The following TRPV5 variants were observed in gnomAD, a reference collection of about 807,000 sequenced individuals.
TRPV5 encodes the protein calcium transport protein 2.
A neutral mutation model predicts 74.1 loss-of-function variants in TRPV5; 66 were observed. The ratio of observed to expected loss-of-function variants is 0.89; its 90% confidence interval spans 0.73 to 1.09. The LOEUF is 1.09. TRPV5 is among the 50% of genes least tolerant of loss of function. The pLI, the probability that TRPV5 is intolerant of heterozygous loss-of-function variation, is 0.00. For missense variants in TRPV5, 936 were observed against 930.4 expected, an observed-to-expected ratio of 1.01 and a Z score of -0.08; for synonymous variants, 399 against 360.7, an observed-to-expected ratio of 1.11 and a Z score of -1.20.
intron 8 of TRPV5, among the ~76,000 whole-genome samples, chr7:142,921,250 C>A (rs1795881647): frequency 6.6e-6 from 1 of 152,158 alleles, no homozygotes; most frequent in African/African-American, 2.4e-5. Context: ...CCTCTATCTC[C>A]CCACTACATT....
intron 8 of TRPV5, among the ~76,000 whole-genome samples, chr7:142,921,946 A>C (rs572186732): frequency 2.8e-4 from 42 of 152,260 alleles, no homozygotes; most frequent in African/African-American, 9.4e-4. Context: ...TTTCACGTTG[A>C]ATTCATACCT....
In TRPV5 at chr7:142,919,911, T is replaced by C. The variant is rs1249865584; in HGVS notation, c.1123-4343A>G. On this transcript the variant is annotated intron_variant, in intron 8 of 14. Coordinates refer to ENST00000265310, the MANE Select transcript of TRPV5 (RefSeq NM_019841.7). ...TGTCCAGCCCAGCTCTAGACCTTTT[T>C]CCCCCCCATGATCCCAGACTTGCAA... Among the ~76,000 whole-genome samples the C allele has an allele frequency of 5.3e-5, 8 of 152,038 alleles. No homozygotes were observed. The East Asian group carries it at 7.7e-4, about 15-fold the overall frequency.
chr7:142,916,641 G>A (rs1490518800), intron 8 of TRPV5, among the ~76,000 whole-genome samples: 1 of 152,190 alleles, frequency 6.6e-6, no homozygotes, highest in East Asian at 1.9e-4. Flanking sequence ...GGGCCAGCAG[G>A]AAAGCTGATG....
intron 8 of TRPV5, among the ~76,000 whole-genome samples, chr7:142,921,513 C>T (rs753535320): frequency 8.5e-5 from 13 of 152,118 alleles, no homozygotes; most frequent in South Asian, 4.1e-4. Context: ...AAACTCCTGA[C>T]CTCGTGATCC....
Position 142,909,717 on chromosome 7 carries a change from G to C in TRPV5, c.1789-121C>G, listed in dbSNP as rs932024373. 4 of 1,007,914 alleles carry C rather than the reference G, an allele frequency of 4.0e-6. No individual in the cohort carries two copies. The African/African-American group carries it at 6.4e-5, about 16-fold the overall frequency. The allele number at this position is 1,007,914 out of a possible 1,614,324, so 62.4% of individuals were successfully genotyped here. On this transcript the variant is annotated intron_variant, in intron 13 of 14. Transcript: ENST00000265310. Reference sequence around the variant, plus strand: ...GTGAGATAGGACACTAGAGGTCAGTGGTGAGAACAGCCACCTATTCACCCC... The same window carrying C: ...GTGAGATAGGACACTAGAGGTCAGTCGTGAGAACAGCCACCTATTCACCCC...
At position 142,909,556 on chromosome 7, in the gene TRPV5, C is replaced by G; in HGVS notation, c.1829G>C (p.Arg610Pro). The G allele has an allele frequency of 6.2e-7, 1 of 1,614,036 alleles. No homozygotes were observed. Among genetic ancestry groups the G allele is most frequent in the Non-Finnish European group, 8.5e-7 (1 of 1,180,038 alleles). ...GATCCCGGAGCGAGGCCACAGGCAG[C>G]GAGGCAGCTTCCGCTCCAGCATCAC... The part of the protein sequence containing the change: ...TTVMLERKLP[R>P]CLWPRSGICG... Residue 610 changes from arginine to proline, a missense_variant, in exon 14 of 15, where the codon CGC becomes CCC. Coordinates refer to ENST00000265310, the MANE Select transcript of TRPV5 (RefSeq NM_019841.7).
Position 142,908,572 on chromosome 7 carries a change from T to C in TRPV5, c.2132A>G (p.His711Arg). The C allele has an allele frequency of 6.2e-7, 1 of 1,614,204 alleles. No individual in the cohort carries two copies. Among genetic ancestry groups the C allele is most frequent in the Non-Finnish European group, 8.5e-7 (1 of 1,180,040 alleles). Reference protein sequence around the residue: ...WEILRQNTLGHLNLGLNLSEG... With the variant: ...WEILRQNTLGRLNLGLNLSEG... ...ACTAAGGTTCAGTCCAAGATTCAAG[T>C]GCCCCAGGGTGTTTTGACGAAGGAT... The change falls in exon 15 of 15, where the codon CAC (histidine) becomes CGC (arginine). Residue 711 changes from histidine to arginine, a missense_variant. Transcript: ENST00000265310.
chr7:142,928,650 G>C (rs1209919357), intron 6 of TRPV5, 41 bp downstream of exon 6: 15 of 1,590,990 alleles, frequency 9.4e-6, no homozygotes, highest in African/African-American at 1.3e-5. Flanking sequence ...TAGGTTGAGG[G>C]TCATTAGAAA....
Position 142,925,575 on chromosome 7 carries a change from C to T in TRPV5, c.1076G>A (p.Arg359His), listed in dbSNP as rs771239971. ...YRPLKFRGGN[R>H]THSRDITILQ... ...GATGGTGATGTCTCGAGAATGAGTG[C>T]GGTTGCCACCACGAAACTTAAGGGG... The change falls in exon 8 of 15, where the codon CGC becomes CAC. Residue 359 changes from arginine (R) to histidine (H), a missense_variant. Coordinates refer to ENST00000265310, the MANE Select transcript of TRPV5 (RefSeq NM_019841.7). The T allele has an allele frequency of 1.6e-5, 26 of 1,614,130 alleles. No individual in the cohort carries two copies. Among genetic ancestry groups the T allele is most frequent in the East Asian group, 1.6e-4 (7 of 44,874 alleles).
chr7:142,922,785 C>T (rs923089791), intron 8 of TRPV5, among the ~76,000 whole-genome samples: 28 of 152,102 alleles, frequency 1.8e-4, no homozygotes, highest in Non-Finnish European at 1.0e-4. Context: ...TGCTGCTCTG[C>T]CTAAACCAAG....
rs1266515918 is a variant in TRPV5 at position 142,909,553 on chromosome 7, C to A, written c.1832G>T (p.Cys611Phe). Reference protein sequence around the residue: ...TVMLERKLPRCLWPRSGICGC... With the variant: ...TVMLERKLPRFLWPRSGICGC... ...ACAGATCCCGGAGCGAGGCCACAGG[C>A]AGCGAGGCAGCTTCCGCTCCAGCAT... Residue 611 changes from cysteine to phenylalanine, a missense_variant, in exon 14 of 15, where the codon TGC becomes TTC. Cys to Phe is a radical substitution (Grantham distance 205, BLOSUM62 -2). Transcript: ENST00000265310. 32 of 1,613,986 alleles carry A rather than the reference C, an allele frequency of 2.0e-5. No homozygotes were observed. In the Admixed American group the frequency reaches 5.3e-4, roughly 27 times the overall value.
chr7:142,923,655 A>G (rs986376867), intron 8 of TRPV5, among the ~76,000 whole-genome samples: 1 of 152,206 alleles, frequency 6.6e-6, no homozygotes, highest in Non-Finnish European at 1.5e-5. Flanking sequence ...CCAAGGAACA[A>G]GAAGGAAGGC....
In TRPV5 at chr7:142,929,489, A is replaced by G; in HGVS notation, c.426T>C (p.Ser142=). ...LVRALLTRRA[S]VSARATGTAF... ...CAGTGCCTGTGGCTCTGGCAGAGAC[A>G]CTGGCCCTGCGGGTGAGCAGGGCAC... is the stretch of plus-strand genomic sequence containing the variant. The change falls in exon 4 of 15, where the codon AGT becomes AGC. Residue 142 remains serine, a synonymous_variant. Transcript: ENST00000265310. 1.2e-6 allele frequency: 2 copies of G among 1,614,098 alleles called. No individual in the cohort carries two copies. The highest frequency in any genetic ancestry group is 1.7e-6 in the Non-Finnish European group (2 of 1,180,000).
chr7:142,908,591 G>T lies in TRPV5; in HGVS notation c.2113C>A (p.Arg705Ser), dbSNP rs1795649613. ...TTCAAGTGCCCCAGGGTGTTTTGACGAAGGATCTCCCAGCCTCGGTGACTG... is the reference window on the plus strand; with the variant it reads ...TTCAAGTGCCCCAGGGTGTTTTGACTAAGGATCTCCCAGCCTCGGTGACTG... ...SSSHRGWEIL[R>S]QNTLGHLNLG... Residue 705 changes from arginine to serine, a missense_variant, in exon 15 of 15, where the codon CGT becomes AGT. Coordinates refer to ENST00000265310, the MANE Select transcript of TRPV5 (RefSeq NM_019841.7). 6.2e-7 allele frequency: 1 copy of T among 1,614,204 alleles called. No individual in the cohort carries two copies.
intron 8 of TRPV5, among the ~76,000 whole-genome samples, chr7:142,920,445 C>A (rs1008829741): frequency 4.6e-5 from 7 of 151,626 alleles, no homozygotes; most frequent in African/African-American, 1.7e-4. Flanking sequence ...ATATCTGATC[C>A]TCTCCCACAG....
rs2116600110 is a variant in TRPV5, at chr7:142,925,711, T to A, written c.940A>T (p.Lys314Ter). The A allele has an allele frequency of 2.5e-6, 4 of 1,614,164 alleles. No individual in the cohort carries two copies. The highest frequency in any genetic ancestry group is 1.6e-4 in the Middle Eastern group (1 of 6,062). ...ARQILEQTPV[K>*]ELVSFKWNKY... The stretch of plus-strand genomic sequence containing the variant: ...TTCCACTTGAAGCTCACCAGCTCCT[T>A]CACTGGGGTCTGTTCCAGAATTTGG... The change falls in exon 8 of 15, where the codon AAG (lysine) becomes TAG (stop). Residue 314 changes from lysine (K) to a stop codon, truncating the protein, a stop_gained. Transcript: ENST00000265310. LOFTEE classifies it high-confidence loss of function.
At chr7:142,920,966 T>C (rs551226223) in intron 8 of TRPV5, among the ~76,000 whole-genome samples, 1 of 152,010 alleles carries the variant, frequency 6.6e-6, no homozygotes, top group Non-Finnish European at 1.5e-5. Flanking sequence ...CCTACCGGGC[T>C]CCCTGGTTCT....
Position 142,933,315 on chromosome 7 carries a change from C to A in TRPV5, c.128+17G>T. The A allele has an allele frequency of 6.2e-7, 1 of 1,611,624 alleles. No homozygotes were observed. The highest frequency in any genetic ancestry group is 1.3e-5 in the African/African-American group (1 of 74,940). On this transcript the variant is annotated intron_variant, in intron 1 of 14. Transcript: ENST00000265310. Reference sequence around the variant, plus strand: ...GGATCACGGCGGTAGGGCCACGGATCGTTCTAGGAAGCCTACCTCTTCTGC... The same window carrying A: ...GGATCACGGCGGTAGGGCCACGGATAGTTCTAGGAAGCCTACCTCTTCTGC...
chr7:142,909,385 C>G (rs1183668520), intron 14 of TRPV5, 105 bp downstream of exon 14: 1 of 1,209,510 alleles, frequency 8.3e-7, no homozygotes, highest in Non-Finnish European at 1.2e-6. Flanking sequence ...GCTCCAGCCC[C>G]CTCCCCTAGA....
Sources: allele counts gnomAD v4.1 joint callset (sites outside exome capture counted in the v4.1 genomes callset), GRCh38; gene constraint gnomAD v4.1.1; transcripts MANE v1.5; gene names NCBI Gene and HGNC (gene_info 2026-07-23, HGNC 2026-07-21).